The following CCPG1 variants were observed in gnomAD, a reference collection of about 807,000 sequenced individuals.
CCPG1 encodes the protein cell cycle progression 1.
Under a neutral mutation model 81.3 loss-of-function variants are expected in CCPG1, and 46 were observed. The observed-to-expected ratio is 0.57, with a 90% CI of 0.45 to 0.72. The LOEUF is 0.72. CCPG1 is among the 30% of genes least tolerant of loss of function. CCPG1 has a pLI of 0.00. For missense variants in CCPG1, 902 were observed against 937.6 expected (o/e 0.96, Z 0.50); for synonymous variants, 330 against 305.2 (o/e 1.08, Z -0.85).
intron 1 of CCPG1, among the ~76,000 whole-genome samples, chr15:55,398,826 T>C (rs960342996): frequency 1.3e-5 from 2 of 152,240 alleles, no homozygotes; most frequent in African/African-American, 4.8e-5. Context: ...ATGATCCGCC[T>C]GCCTTGGCCT....
chr15:55,380,193 A>T (rs11636792), intron 3 of CCPG1, among the ~76,000 whole-genome samples: 1 of 151,926 alleles, frequency 6.6e-6, no homozygotes, highest in Non-Finnish European at 1.5e-5. Context: ...CCAAATATCA[A>T]CAGTAATTAT....
intron 7 of CCPG1, among the ~76,000 whole-genome samples, chr15:55,363,776 T>A (rs1422041229): frequency 6.8e-6 from 1 of 146,810 alleles, no homozygotes. Flanking sequence ...GAAAAAACAA[T>A]AGCTTACTTT....
Position 55,355,388 on chromosome 15 carries a change from G to C in CCPG1, c.*832C>G. 6.2e-7 allele frequency: 1 copy of C among 1,610,588 alleles called. No homozygotes were observed. The highest frequency in any genetic ancestry group is 1.1e-5 in the South Asian group (1 of 90,468). On this transcript the variant is annotated 3_prime_UTR_variant, in exon 9 of 9. Coordinates refer to ENST00000442196, the MANE Select transcript of CCPG1 (RefSeq NM_001204450.2). ...AATTGGAAGTCACATATATGTCTAT[G>C]AACGGAAGTTAAAAGGGAAATTCAA...
Position 55,360,329 on chromosome 15 carries a change from T to G in CCPG1, c.1444A>C (p.Lys482Gln), listed in dbSNP as rs773671879. Residue 482 changes from lysine (K) to glutamine (Q), a missense_variant, in exon 8 of 9, where the codon AAG becomes CAG. Physicochemically the swap from Lys to Gln is moderately conservative, Grantham distance 53 (BLOSUM62 1). Around this residue, in one of 3 missense-constraint regions of CCPG1, gnomAD observed 746 missense variants for 728.6 expected, o/e 1.02. Transcript: ENST00000442196. ...RGSHRAKNKS[K>Q]ETFLGSVKET... The stretch of plus-strand genomic sequence containing the variant: ...TTAACTGAACCCAAAAATGTTTCCT[T>G]TGACTTATTTTTAGCCCTGTGGCTT... 3 of 1,613,856 alleles carry G rather than the reference T, an allele frequency of 1.9e-6. No homozygotes were observed. In the Admixed American group the frequency reaches 5.0e-5, roughly 27 times the overall value.
intron 2 of CCPG1, among the ~76,000 whole-genome samples, chr15:55,386,666 G>A (rs909377328): frequency 5.3e-5 from 8 of 152,112 alleles, no homozygotes; most frequent in African/African-American, 1.7e-4. Context: ...AGCCTGAGGC[G>A]GGCGGATCAC....
rs541687358 is a variant in CCPG1 at position 55,380,445 on chromosome 15, A to G, written c.176-2069T>C. ...CAAGTAGCTGGGACTACAGGCGCCC[A>G]CCACCACGCCCGGCTAATTTTTTGT... On this transcript the variant is annotated intron_variant, in intron 3 of 8. Transcript: ENST00000442196. Among the ~76,000 whole-genome samples the G allele has an allele frequency of 1.3e-4, 20 of 151,380 alleles. No homozygotes were observed. The South Asian group carries it at 3.4e-3, about 25-fold the overall frequency.
chr15:55,356,530 C>T (rs1279623021), intron 8 of CCPG1, 121 bp from the exon 9 acceptor site: 1 of 1,278,608 alleles, frequency 7.8e-7, no homozygotes, highest in Non-Finnish European at 1.0e-6. Flanking sequence ...TATTAAATAT[C>T]TGAATTACAA....
chr15:55,399,237 T>C (rs1757710002), intron 1 of CCPG1, among the ~76,000 whole-genome samples: 2 of 152,010 alleles, frequency 1.3e-5, no homozygotes, highest in Admixed American at 1.3e-4. Context: ...AAAACAGTTC[T>C]GAAGAATGAA....
At chr15:55,380,064 C>T (rs1828521371) in intron 3 of CCPG1, among the ~76,000 whole-genome samples, 1 of 145,870 alleles carries the variant, frequency 6.9e-6, no homozygotes, top group Non-Finnish European at 1.5e-5. Flanking sequence ...CATGCCATTG[C>T]ACTACAGCTT....
intron 6 of CCPG1, 106 bp from the exon 7 acceptor site, chr15:55,365,415 T>G: frequency 2.9e-6 from 2 of 684,806 alleles, no homozygotes; most frequent in East Asian, 6.1e-5. Context: ...GTAGTCTTTT[T>G]TTTGTTTTTT....
chr15:55,390,782 G>T (rs1238682731), intron 1 of CCPG1, among the ~76,000 whole-genome samples: 1 of 152,106 alleles, frequency 6.6e-6, no homozygotes, highest in Non-Finnish European at 1.5e-5. Context: ...AAGGTTGGTC[G>T]CTAATAGTAT....
chr15:55,404,688 C>G (rs1467801738), intron 1 of CCPG1, among the ~76,000 whole-genome samples: 1 of 152,142 alleles, frequency 6.6e-6, no homozygotes. Flanking sequence ...ATCCAGCACT[C>G]TGGGAGGCTA....
intron 3 of CCPG1, among the ~76,000 whole-genome samples, chr15:55,381,463 T>A (rs1393671318): frequency 2.0e-5 from 3 of 152,072 alleles, no homozygotes; most frequent in African/African-American, 7.2e-5. Flanking sequence ...AAAGAAAATT[T>A]TCTTTAACAT....
intron 5 of CCPG1, among the ~76,000 whole-genome samples, chr15:55,376,646 A>G (rs1016217177): frequency 1.3e-5 from 2 of 152,192 alleles, no homozygotes; most frequent in Non-Finnish European, 2.9e-5. Flanking sequence ...TCCCACTCTT[A>G]AAGATCTAAA....
chr15:55,358,946 G>A (rs1186941429), intron 8 of CCPG1: 1 of 973,000 alleles, frequency 1.0e-6, no homozygotes, highest in Non-Finnish European at 1.2e-6. Context: ...AGAATATAAA[G>A]ATGAAAATGG....
At chr15:55,375,745 G>C (rs1393562316) in intron 5 of CCPG1, among the ~76,000 whole-genome samples, 1 of 150,754 alleles carries the variant, frequency 6.6e-6, no homozygotes, top group Non-Finnish European at 1.5e-5. Flanking sequence ...TGGCAATCTG[G>C]GTGCAGTGGC....
intron 1 of CCPG1, among the ~76,000 whole-genome samples, chr15:55,392,244 ACT>A (rs1456049480): frequency 7.4e-6 from 1 of 134,924 alleles, no homozygotes; most frequent in East Asian, 2.1e-4. Context: ...ACGGAGTCTC[ACT>A]CTGTCACCAG....
intron 1 of CCPG1, among the ~76,000 whole-genome samples, chr15:55,392,477 A>G (rs537962856): frequency 6.6e-6 from 1 of 151,872 alleles, no homozygotes; most frequent in South Asian, 2.1e-4. Flanking sequence ...TCAGCCTCCC[A>G]AAGTGCTGGG....
At chr15:55,370,106 C>A (rs2056416699) in intron 6 of CCPG1, among the ~76,000 whole-genome samples, 1 of 152,242 alleles carries the variant, frequency 6.6e-6, no homozygotes, top group Admixed American at 6.5e-5. Context: ...CATCAGAAAT[C>A]TAAATACATA....
Sources: gnomAD v4.1 joint callset for allele counts (sites outside exome capture counted in the v4.1 genomes callset) on GRCh38, gnomAD v4.1.1 for gene constraint, gnomAD v4.1.1 regional missense constraint, MANE v1.5 for transcripts, NCBI Gene and HGNC (gene_info 2026-07-23, HGNC 2026-07-21) for gene names.